The following SCFD2 variants were observed in gnomAD, a reference collection of about 807,000 sequenced individuals.
SCFD2 encodes sec1 family domain containing 2.
SCFD2 carries 54 observed loss-of-function variants against 58.9 expected under a neutral mutation model. That is an observed-to-expected ratio of 0.92 (90% confidence interval 0.74 to 1.15). SCFD2 has a LOEUF of 1.15. SCFD2 is among the 50% of genes most tolerant of loss of function. The pLI is 0.00. For synonymous variants in SCFD2, 321 were observed against 335.9 expected (o/e 0.96, Z 0.49); for missense variants, 805 against 836.6 (o/e 0.96, Z 0.47).
chr4:53,132,852 T>C (rs1256132882), intron 5 of SCFD2, among the ~76,000 whole-genome samples: 1 of 152,188 alleles, frequency 6.6e-6, no homozygotes, highest in Non-Finnish European at 1.5e-5. Context: ...GAAAAGATTT[T>C]CAAAATCCTG....
intron 5 of SCFD2, among the ~76,000 whole-genome samples, chr4:52,960,758 A>G (rs957064954): frequency 2.0e-5 from 3 of 152,076 alleles, no homozygotes; most frequent in Non-Finnish European, 2.9e-5. Context: ...ACATGTGCTA[A>G]TAGTACCAAA....
At chr4:53,303,229 T>C (rs1732379371) in intron 3 of SCFD2, among the ~76,000 whole-genome samples, 2 of 152,110 alleles carry the variant, frequency 1.3e-5, no homozygotes, top group African/African-American at 4.8e-5. Context: ...ATCCAGAATG[T>C]ACAATGAACT....
intron 5 of SCFD2, among the ~76,000 whole-genome samples, chr4:53,080,049 G>A (rs1724095503): frequency 6.6e-6 from 1 of 152,114 alleles, no homozygotes; most frequent in African/African-American, 2.4e-5. Context: ...TTTGTTTAAA[G>A]GTAATTCCAG....
intron 5 of SCFD2, among the ~76,000 whole-genome samples, chr4:52,933,622 C>T (rs751124199): frequency 1.3e-5 from 2 of 152,068 alleles, no homozygotes; most frequent in African/African-American, 2.4e-5. Context: ...GAACTACAGC[C>T]GGCTCCATGA....
intron 5 of SCFD2, among the ~76,000 whole-genome samples, chr4:53,128,535 T>C (rs538987516): frequency 6.6e-6 from 1 of 152,230 alleles, no homozygotes; most frequent in Admixed American, 6.5e-5. Context: ...TAAGATATAG[T>C]ATGTGCATGT....
At chr4:52,916,444 C>T (rs918046056) in intron 6 of SCFD2, among the ~76,000 whole-genome samples, 8 of 152,150 alleles carry the variant, frequency 5.3e-5, no homozygotes, top group East Asian at 1.9e-4. Flanking sequence ...CATGATGGCG[C>T]GCGCCTGTAG....
chr4:53,307,238 G>A (rs919358197), intron 3 of SCFD2, among the ~76,000 whole-genome samples: 3 of 152,190 alleles, frequency 2.0e-5, no homozygotes, highest in African/African-American at 7.2e-5. Context: ...TAATAGAGAG[G>A]GAAAGCAATG....
At chr4:52,989,659 T>C (rs1721576038) in intron 5 of SCFD2, among the ~76,000 whole-genome samples, 1 of 152,230 alleles carries the variant, frequency 6.6e-6, no homozygotes, top group African/African-American at 2.4e-5. Flanking sequence ...ATAATGTATG[T>C]TTCCCACTGT....
At chr4:53,086,002 C>T (rs1360355976) in intron 5 of SCFD2, among the ~76,000 whole-genome samples, 2 of 151,978 alleles carry the variant, frequency 1.3e-5, no homozygotes, top group African/African-American at 2.4e-5. Flanking sequence ...AGTAAAATAT[C>T]CCACAAGCAC....
At chr4:53,303,017 A>G (rs1732370146) in intron 3 of SCFD2, among the ~76,000 whole-genome samples, 1 of 152,202 alleles carries the variant, frequency 6.6e-6, no homozygotes, top group South Asian at 2.1e-4. Context: ...AACCTAGGCA[A>G]TACCATTCAG....
In SCFD2 at chr4:53,028,451, C is replaced by T. The variant is rs191644809; in HGVS notation, c.1562-107581G>A. Among the ~76,000 whole-genome samples, 1,329 of 152,190 alleles carry T rather than the reference C, an allele frequency of 8.7e-3. 7 individuals carry two copies. The highest frequency in any genetic ancestry group is 0.012 in the Non-Finnish European group (826 of 68,014). ...ATTCTTTGTGAATCATACTATAGTA[C>T]TCCTTCTCTCTCCCATGGATATATG... On this transcript the variant is annotated intron_variant, in intron 5 of 8. Transcript: ENST00000401642.
intron 4 of SCFD2, among the ~76,000 whole-genome samples, chr4:53,229,175 C>T (rs1577867968): frequency 6.6e-6 from 1 of 152,070 alleles, no homozygotes; most frequent in Admixed American, 6.6e-5. Context: ...GAATCAATAT[C>T]GTGAAAATGG....
At chr4:53,358,873 T>C (rs1315099530) in intron 1 of SCFD2, among the ~76,000 whole-genome samples, 3 of 152,230 alleles carry the variant, frequency 2.0e-5, no homozygotes, top group African/African-American at 4.8e-5. Context: ...CTGGGTAGTC[T>C]GGACATGGTC....
At chr4:53,133,175 G>A (rs1402627155) in intron 5 of SCFD2, among the ~76,000 whole-genome samples, 6 of 151,516 alleles carry the variant, frequency 4.0e-5, no homozygotes, top group African/African-American at 1.5e-4. Context: ...AAAAATACAA[G>A]AAATTAGCCG....
At chr4:53,007,337 A>AGAGAGAGAGG (rs1721995972) in intron 5 of SCFD2, among the ~76,000 whole-genome samples, 6 of 122,226 alleles carry the variant, frequency 4.9e-5, no homozygotes, top group African/African-American at 1.5e-4. Context: ...AGAGAGAGGG[A>AGAGAGAGAGG]GAGAGAGAGA....
chr4:53,043,562 CA>C (rs1382250493), intron 5 of SCFD2, among the ~76,000 whole-genome samples: 1 of 151,988 alleles, frequency 6.6e-6, no homozygotes, highest in Non-Finnish European at 1.5e-5. Context: ...ATAATTGTAA[CA>C]AAACACGAGG....
At chr4:53,067,450 G>A (rs1489344652) in intron 5 of SCFD2, among the ~76,000 whole-genome samples, 3 of 152,014 alleles carry the variant, frequency 2.0e-5, no homozygotes, top group East Asian at 1.9e-4. Context: ...AATATGGTTC[G>A]GCTCTGTGTC....
At position 53,145,589 on chromosome 4, in the gene SCFD2, T is replaced by A; in HGVS notation, c.1312-7A>T. ...TTGCTGACTCCCCAATGCTCTAAAA[T>A]AAAAAATGATATGAAAATATGTCAA... On this transcript the variant is annotated splice_region_variant and splice_polypyrimidine_tract_variant and intron_variant, in intron 4 of 8. Coordinates refer to ENST00000401642, the MANE Select transcript of SCFD2 (RefSeq NM_152540.4). The A allele has an allele frequency of 1.2e-6, 2 of 1,604,498 alleles. No homozygotes were observed. Among genetic ancestry groups the A allele is most frequent in the African/African-American group, 1.3e-5 (1 of 74,384 alleles).
At chr4:52,922,608 T>C (rs1483535290) in intron 5 of SCFD2, among the ~76,000 whole-genome samples, 1 of 152,264 alleles carries the variant, frequency 6.6e-6, no homozygotes, top group East Asian at 1.9e-4. Flanking sequence ...TATCGACTTA[T>C]CGGTTAATGG....
Sources: gnomAD v4.1 joint callset for allele counts (sites outside exome capture counted in the v4.1 genomes callset) on GRCh38, gnomAD v4.1.1 for gene constraint, MANE v1.5 for transcripts, NCBI Gene and HGNC (gene_info 2026-07-23, HGNC 2026-07-21) for gene names.